The following MED12L variants were observed in gnomAD, a reference collection of about 807,000 sequenced individuals.
MED12L encodes mediator of RNA polymerase II transcription subunit 12-like protein.
In MED12L, 60 loss-of-function variants were observed where a neutral mutation model predicts 281.3. The observed-to-expected ratio is 0.21, with a 90% CI of 0.17 to 0.26. The LOEUF (loss-of-function observed/expected upper bound fraction) is 0.26. MED12L is among the 10% of genes least tolerant of loss of function. MED12L has a pLI of 1.00. For synonymous variants in MED12L, 974 were observed against 987.2 expected (o/e 0.99, Z 0.25); for missense variants, 2,146 against 2,680.9 (o/e 0.80, Z 4.41).
intron 5 of MED12L, among the ~76,000 whole-genome samples, chr3:151,139,145 C>G (rs377610662): frequency 1.6e-4 from 24 of 152,250 alleles, no homozygotes; most frequent in African/African-American, 5.3e-4. Flanking sequence ...AGAGCTCTTT[C>G]AGCTGTGTCC....
rs1021199874 is a variant in MED12L, at chr3:151,357,105, A to C, written c.2662-108A>C. ...ATTTTAAAAAAGTTAAATTTAGGGA[A>C]TGTATTTGTAGTGTAATGACTCAGT... On this transcript the variant is annotated intron_variant, in intron 19 of 44. Transcript: ENST00000687756. 28 of 903,052 alleles carry C rather than the reference A, an allele frequency of 3.1e-5. No homozygotes were observed. In the African/African-American group the frequency reaches 4.2e-4, roughly 14 times the overall value. The allele number at this position is 903,052 out of a possible 1,614,324, so 55.9% of individuals were successfully genotyped here.
chr3:151,125,057 G>A (rs1045417848), intron 4 of MED12L, among the ~76,000 whole-genome samples: 2 of 152,164 alleles, frequency 1.3e-5, no homozygotes, highest in South Asian at 2.1e-4. Context: ...ACTTAGATGC[G>A]GCTGTAGCTT....
chr3:151,401,486 A>C (rs542033894), intron 39 of MED12L, among the ~76,000 whole-genome samples: 1 of 152,192 alleles, frequency 6.6e-6, no homozygotes, highest in South Asian at 2.1e-4. Context: ...TATTTTTCTC[A>C]ATCAGAGCAG....
At chr3:151,193,396 A>AAGT in intron 15 of MED12L, 94 bp from the exon 16 acceptor site, 1 of 890,308 alleles carries the variant, frequency 1.1e-6, no homozygotes, top group Non-Finnish European at 1.7e-6. Context: ...AAAGGTGTAT[A>AAGT]AGTGTCTTAT....
At chr3:151,196,452 T>G (rs906899891) in intron 16 of MED12L, among the ~76,000 whole-genome samples, 1 of 152,172 alleles carries the variant, frequency 6.6e-6, no homozygotes, top group Non-Finnish European at 1.5e-5. Flanking sequence ...AAAAGTGTTT[T>G]CCATGTCCCC....
intron 16 of MED12L, among the ~76,000 whole-genome samples, chr3:151,348,953 A>T (rs1444353320): frequency 6.6e-6 from 1 of 152,216 alleles, no homozygotes; most frequent in Non-Finnish European, 1.5e-5. Context: ...TTTCTCTGTG[A>T]GGAATTCTTT....
chr3:151,426,925 C>T (rs1158625121), intron 43 of MED12L, among the ~76,000 whole-genome samples: 1 of 151,686 alleles, frequency 6.6e-6, no homozygotes, highest in Non-Finnish European at 1.5e-5. Flanking sequence ...TCAAGTGATC[C>T]TCCCACATCA....
At chr3:151,380,080 CT>C in intron 31 of MED12L, 32 bp from the exon 32 acceptor site, 1 of 1,320,168 alleles carries the variant, frequency 7.6e-7, no homozygotes, top group Non-Finnish European at 1.1e-6. Flanking sequence ...TTATTTCTAA[CT>C]AGATCTGTTG....
intron 2 of MED12L, among the ~76,000 whole-genome samples, chr3:151,105,823 G>T (rs1179775053): frequency 6.6e-6 from 1 of 152,108 alleles, no homozygotes; most frequent in Non-Finnish European, 1.5e-5. Flanking sequence ...TTTTCTCTGT[G>T]TGTCTGATGC....
rs367545965 is a variant in MED12L at position 151,300,056 on chromosome 3, C to T, written c.2251-50003C>T. 88 of 1,580,196 alleles carry T rather than the reference C, an allele frequency of 5.6e-5. 1 individual carries two copies. The highest frequency in any genetic ancestry group is 2.9e-4 in the South Asian group (26 of 90,356). The stretch of plus-strand genomic sequence containing the variant: ...AGTAAGATTTTCTTTGTATCTCTTA[C>T]GACGGCTTACTTGGTAATTTTGCAA... On this transcript the variant is annotated intron_variant, in intron 16 of 44. Coordinates refer to ENST00000687756, the MANE Select transcript of MED12L (RefSeq NM_001393769.1).
intron 21 of MED12L, among the ~76,000 whole-genome samples, chr3:151,364,005 TAAA>T (rs974042504): frequency 1.3e-5 from 2 of 151,016 alleles, no homozygotes; most frequent in Non-Finnish European, 3.0e-5. Flanking sequence ...ATATGGGGTT[TAAA>T]AAAAAAGCCA....
intron 21 of MED12L, among the ~76,000 whole-genome samples, chr3:151,364,282 A>G (rs1404513690): frequency 6.6e-6 from 1 of 152,242 alleles, no homozygotes; most frequent in Non-Finnish European, 1.5e-5. Flanking sequence ...TATCTGATTC[A>G]GACGTAACTC....
chr3:151,366,999 T>C (rs574376032), intron 23 of MED12L, among the ~76,000 whole-genome samples: 7 of 152,222 alleles, frequency 4.6e-5, no homozygotes, highest in Non-Finnish European at 4.4e-5. Context: ...TGGCATATGG[T>C]GCGAATCAGT....
intron 16 of MED12L, among the ~76,000 whole-genome samples, chr3:151,289,326 T>A (rs1159040400): frequency 6.6e-6 from 1 of 152,186 alleles, no homozygotes. Flanking sequence ...GGATAAAATG[T>A]TGGAAGTTGA....
rs544564047 is a variant in MED12L at position 151,166,700 on chromosome 3, G to C, written c.1494+718G>C. Among the ~76,000 whole-genome samples the C allele has an allele frequency of 3.3e-5, 5 of 151,076 alleles. No individual in the cohort carries two copies. In the South Asian group the frequency reaches 1.0e-3, roughly 32 times the overall value. On this transcript the variant is annotated intron_variant, in intron 11 of 44. Coordinates refer to ENST00000687756, the MANE Select transcript of MED12L (RefSeq NM_001393769.1). ...AGTCTTTTTTTTTTTTTTAAAGACA[G>C]AGTCTCACACTGTCACCTGGGCTGG...
intron 16 of MED12L, among the ~76,000 whole-genome samples, chr3:151,220,644 C>T (rs1192047445): frequency 6.6e-6 from 1 of 152,118 alleles, no homozygotes; most frequent in Non-Finnish European, 1.5e-5. Context: ...CGAGAGTTGC[C>T]CTGCACAAGC....
chr3:151,241,856 A>G (rs978262495), intron 16 of MED12L: 5 of 153,822 alleles, frequency 3.3e-5, no homozygotes, highest in African/African-American at 9.6e-5. Context: ...TGATTTCTGC[A>G]TTTCCATCTG....
chr3:151,270,346 AAAG>A (rs543824326), intron 16 of MED12L, among the ~76,000 whole-genome samples: 186 of 152,060 alleles, frequency 1.2e-3, no homozygotes, highest in Non-Finnish European at 2.4e-3. Context: ...TACAATGGGA[AAAG>A]GATCTCTACC....
intron 41 of MED12L, among the ~76,000 whole-genome samples, chr3:151,411,850 T>C (rs998349843): frequency 6.6e-6 from 1 of 152,194 alleles, no homozygotes; most frequent in Admixed American, 6.5e-5. Flanking sequence ...AAACTCTTGA[T>C]TATTGTTAGG....
Sources: gnomAD v4.1 joint callset for allele counts (sites outside exome capture counted in the v4.1 genomes callset) on GRCh38, gnomAD v4.1.1 for gene constraint, MANE v1.5 for transcripts, NCBI Gene and HGNC (gene_info 2026-07-23, HGNC 2026-07-21) for gene names.